Variants in CMIP observed in about 807,000 individuals in gnomAD.
The protein encoded by CMIP is C-Maf-inducing protein.
A neutral mutation model predicts 97.3 loss-of-function variants in CMIP; 13 were observed. That is an observed-to-expected ratio of 0.13 (90% CI 0.09 to 0.21). CMIP has a LOEUF of 0.21. CMIP is among the 10% of genes least tolerant of loss of function. The pLI is 1.00. For synonymous variants in CMIP, 538 were observed against 436.3 expected, an observed-to-expected ratio of 1.23 and a Z score of -2.91; for missense variants, 847 against 1,024.9, an observed-to-expected ratio of 0.83 and a Z score of 2.37.
chr16:81,593,143 TA>T (rs1245386812), intron 1 of CMIP, among the ~76,000 whole-genome samples: 3 of 152,158 alleles, frequency 2.0e-5, no homozygotes, highest in South Asian at 2.1e-4. Flanking sequence ...GTTTCGTGAT[TA>T]ATGAGCCCAC....
chr16:81,596,528 T>A (rs1024079672), intron 1 of CMIP, among the ~76,000 whole-genome samples: 23 of 133,704 alleles, frequency 1.7e-4, no homozygotes, highest in Admixed American at 3.6e-4. Flanking sequence ...AAAAAAAAAA[T>A]TTCAATTGGA....
chr16:81,505,920 G>A (rs940693851), intron 1 of CMIP, among the ~76,000 whole-genome samples: 3 of 152,158 alleles, frequency 2.0e-5, no homozygotes, highest in African/African-American at 7.2e-5. Context: ...ACTTGAACCC[G>A]GGAGGTGGAG....
At position 81,445,170 on chromosome 16, in the gene CMIP, G is replaced by A; in HGVS notation, c.-72G>A. The stretch of plus-strand genomic sequence containing the variant: ...TGGGGGGGTGCGGGCCGCCGGATCC[G>A]GGGGCCCCGCCGCCCCAGCAGCCCA... On this transcript the variant is annotated 5_prime_UTR_variant, in exon 1 of 21. Transcript: ENST00000537098. The A allele has an allele frequency of 2.0e-6, 2 of 987,798 alleles. No individual in the cohort carries two copies. The highest frequency in any genetic ancestry group is 4.9e-5 in the South Asian group (2 of 40,926). The allele number at this position is 987,798 out of a possible 1,614,324, so 61.2% of individuals were successfully genotyped here. A position where few individuals can be genotyped will look rare whatever the true frequency, so the allele number is the denominator to read the frequency against.
intron 4 of CMIP, among the ~76,000 whole-genome samples, chr16:81,654,474 G>A (rs1387882155): frequency 6.6e-6 from 1 of 152,214 alleles, no homozygotes; most frequent in Admixed American, 6.5e-5. Flanking sequence ...TTTAAAGTAG[G>A]AAAATGGAAG....
At chr16:81,512,280 G>C (rs2089828024) in intron 1 of CMIP, among the ~76,000 whole-genome samples, 1 of 152,124 alleles carries the variant, frequency 6.6e-6, no homozygotes. Flanking sequence ...CCTCACTCCA[G>C]GGTCCCTCAT....
At chr16:81,615,251 G>A (rs2091896901) in intron 2 of CMIP, among the ~76,000 whole-genome samples, 1 of 147,066 alleles carries the variant, frequency 6.8e-6, no homozygotes, top group Non-Finnish European at 1.5e-5. Flanking sequence ...GTCTGTGTGT[G>A]TGGTGTATGT....
rs187990596 is a variant in CMIP at position 81,614,892 on chromosome 16, T to A, written c.427-5984T>A. Among the ~76,000 whole-genome samples, 1 of 151,498 alleles carries A rather than the reference T, an allele frequency of 6.6e-6. No homozygotes were observed. Among genetic ancestry groups the A allele is most frequent in the East Asian group, 1.9e-4 (1 of 5,148 alleles). ...TGTGTGTGTGGTATGTGCATGTGTGTGTGTCCTGTGTCTATATGTGGTGTG... is the reference window on the plus strand; with the variant it reads ...TGTGTGTGTGGTATGTGCATGTGTGAGTGTCCTGTGTCTATATGTGGTGTG... On this transcript the variant is annotated intron_variant, in intron 2 of 20. Coordinates refer to ENST00000537098, the MANE Select transcript of CMIP (RefSeq NM_198390.3). The surrounding 1 kb of genome is among the most constrained non-coding windows in gnomAD (Gnocchi z 5.3).
chr16:81,645,342 G>A (rs2092352079), intron 3 of CMIP: 2 of 1,393,758 alleles, frequency 1.4e-6, no homozygotes, highest in Non-Finnish European at 1.9e-6. Flanking sequence ...GTGGTGGGGA[G>A]CATGCGTGCT....
At chr16:81,679,833 C>T (rs1904686694) in intron 10 of CMIP, among the ~76,000 whole-genome samples, 1 of 152,156 alleles carries the variant, frequency 6.6e-6, no homozygotes, top group African/African-American at 2.4e-5. Context: ...CCCGTGAGCA[C>T]CTGGTTCTGG....
At chr16:81,555,433 G>C (rs940801379) in intron 1 of CMIP, among the ~76,000 whole-genome samples, 4 of 152,224 alleles carry the variant, frequency 2.6e-5, no homozygotes, top group Non-Finnish European at 4.4e-5. Context: ...GCTCTCAGCA[G>C]GGAATGGGGA....
At position 81,655,971 on chromosome 16, in the gene CMIP, C is replaced by A. The variant is rs1285576505; in HGVS notation, c.640-1804C>A. 1.3e-5 allele frequency among the ~76,000 whole-genome samples: 2 copies of A among 152,162 alleles called. No homozygotes were observed. The highest frequency in any genetic ancestry group is 2.9e-5 in the Non-Finnish European group (2 of 68,022). On this transcript the variant is annotated intron_variant, in intron 4 of 20. Coordinates refer to ENST00000537098, the MANE Select transcript of CMIP (RefSeq NM_198390.3). This position sits in a 1 kb window ranked among gnomAD's most constrained non-coding sequence, Gnocchi z 4.9. The stretch of plus-strand genomic sequence containing the variant: ...CAGCAGTCATAAGGAGAGACCAAGG[C>A]CAGGCTTCTCCCCGAAGCTGAAAAA...
chr16:81,646,915 G>A (rs2092370444), intron 3 of CMIP, among the ~76,000 whole-genome samples: 1 of 152,184 alleles, frequency 6.6e-6, no homozygotes, highest in Admixed American at 6.5e-5. Context: ...ATGCTGCTAT[G>A]GACATTCTTG....
At chr16:81,456,241 C>T (rs537945786) in intron 1 of CMIP, among the ~76,000 whole-genome samples, 16 of 152,282 alleles carry the variant, frequency 1.1e-4, no homozygotes, top group South Asian at 6.2e-4. Flanking sequence ...TGGAGGGGAC[C>T]GCGGGGTAAT....
intron 1 of CMIP, among the ~76,000 whole-genome samples, chr16:81,500,968 G>A (rs1239284925): frequency 1.3e-5 from 2 of 152,204 alleles, no homozygotes; most frequent in African/African-American, 2.4e-5. Flanking sequence ...ATTGGATTGC[G>A]CAGGTGCCCT....
At chr16:81,492,181 A>C (rs1041858537) in intron 1 of CMIP, among the ~76,000 whole-genome samples, 1 of 152,174 alleles carries the variant, frequency 6.6e-6, no homozygotes, top group Non-Finnish European at 1.5e-5. Flanking sequence ...GATATCGATG[A>C]GGCTCTCTTG....
At chr16:81,531,422 G>A (rs2090233559) in intron 1 of CMIP, among the ~76,000 whole-genome samples, 1 of 152,210 alleles carries the variant, frequency 6.6e-6, no homozygotes, top group Admixed American at 6.5e-5. Flanking sequence ...CTGATATGCA[G>A]GCCACCTGGT....
chr16:81,465,834 C>T (rs1337073825), intron 1 of CMIP, among the ~76,000 whole-genome samples: 1 of 152,202 alleles, frequency 6.6e-6, no homozygotes, highest in Admixed American at 6.5e-5. Context: ...CGCTCCAGAC[C>T]TTCGCTCAGG....
chr16:81,626,234 A>ATGTGTGTAC (rs2092060001), intron 3 of CMIP, among the ~76,000 whole-genome samples: 1 of 86,160 alleles, frequency 1.2e-5, no homozygotes, highest in East Asian at 3.3e-4. Context: ...AATGTGTGTA[A>ATGTGTGTAC]GAGTGAATGT....
intron 1 of CMIP, among the ~76,000 whole-genome samples, chr16:81,581,589 T>C (rs965010192): frequency 1.3e-5 from 2 of 152,252 alleles, no homozygotes; most frequent in Admixed American, 6.5e-5. Flanking sequence ...TGTTATGCAG[T>C]GCTTGGCTGT....
Sources: allele counts gnomAD v4.1 joint callset (sites outside exome capture counted in the v4.1 genomes callset), GRCh38; gene constraint gnomAD v4.1.1; non-coding constraint Gnocchi (gnomAD v3.1); transcripts MANE v1.5; gene names NCBI Gene and HGNC (gene_info 2026-07-23, HGNC 2026-07-21).